Variants in PRH1 observed in about 807,000 individuals in gnomAD.
PRH1 encodes salivary acidic proline-rich phosphoprotein 1/2.
A neutral mutation model predicts 7.9 loss-of-function variants in PRH1; 7 were observed. The observed-to-expected ratio is 0.89, with a 90% CI of 0.50 to 1.67. PRH1 has a LOEUF of 1.67. PRH1 is among the 40% of genes most tolerant of loss of function. The pLI, the probability that PRH1 is intolerant of heterozygous loss-of-function variation, is 0.00. For missense variants in PRH1, 109 were observed against 223.6 expected, an observed-to-expected ratio of 0.49 and a Z score of 3.27; for synonymous variants, 45 against 80.8, an observed-to-expected ratio of 0.56 and a Z score of 2.38.
chr12:11,102,377 C>A (rs536962316), intron 1 of PRH1, among the ~76,000 whole-genome samples: 14 of 152,092 alleles, frequency 9.2e-5, no homozygotes, highest in Non-Finnish European at 1.6e-4. Context: ...AGAGCCCTCA[C>A]AAATAATATG....
chr12:11,022,088 C>T (rs759798918), intron 1 of PRH1: 76 of 1,613,818 alleles, frequency 4.7e-5, no homozygotes, highest in Non-Finnish European at 6.4e-5. Flanking sequence ...TTCCAAGTCA[C>T]ATTTCCTTCA....
chr12:11,031,513 G>GCATTTTTT, intron 1 of PRH1: 1 of 685,764 alleles, frequency 1.5e-6, no homozygotes, highest in Admixed American at 3.4e-5. Flanking sequence ...GGTTTATTGA[G>GCATTTTTT]AAGAGAGAAA....
At chr12:10,949,879 A>ATAATCAC (rs1449630355) in intron 2 of PRH1, among the ~76,000 whole-genome samples, 1 of 152,162 alleles carries the variant, frequency 6.6e-6, no homozygotes, top group Non-Finnish European at 1.5e-5. Context: ...AGTTGTTATG[A>ATAATCAC]TAATCACTTA....
intron 1 of PRH1, among the ~76,000 whole-genome samples, chr12:11,110,213 G>A (rs763508172): frequency 9.2e-5 from 14 of 152,166 alleles, no homozygotes; most frequent in Non-Finnish European, 1.6e-4. Context: ...TGAAAGAGAT[G>A]GGGATAATGG....
At chr12:10,960,732 T>C (rs1316282316) in intron 2 of PRH1, among the ~76,000 whole-genome samples, 2 of 152,174 alleles carry the variant, frequency 1.3e-5, no homozygotes, top group African/African-American at 2.4e-5. Context: ...TATAGTAAAA[T>C]AGTATTACTT....
intron 2 of PRH1, among the ~76,000 whole-genome samples, chr12:10,961,700 A>C (rs182716773): frequency 6.6e-6 from 1 of 152,198 alleles, no homozygotes; most frequent in Non-Finnish European, 1.5e-5. Context: ...AACGGACTGG[A>C]TGATGGAAAG....
chr12:11,147,012 T>A (rs1946881589), intron 1 of PRH1, among the ~76,000 whole-genome samples: 1 of 152,238 alleles, frequency 6.6e-6, no homozygotes, highest in Non-Finnish European at 1.5e-5. Flanking sequence ...ACCTCCTTCT[T>A]TTTCCAAGTT....
chr12:10,980,490 T>C (rs1393925147), intron 1 of PRH1, among the ~76,000 whole-genome samples: 1 of 152,172 alleles, frequency 6.6e-6, no homozygotes, highest in Non-Finnish European at 1.5e-5. Flanking sequence ...TTTTTGGTCA[T>C]GTTACTTTTA....
chr12:11,001,717 C>T (rs1245171330), intron 1 of PRH1, among the ~76,000 whole-genome samples: 7 of 152,000 alleles, frequency 4.6e-5, no homozygotes, highest in Non-Finnish European at 7.4e-5. Context: ...TTCTGAACTG[C>T]GATTAGGCTT....
intron 1 of PRH1, among the ~76,000 whole-genome samples, chr12:11,122,397 T>C (rs1003295361): frequency 3.3e-5 from 5 of 152,250 alleles, no homozygotes; most frequent in African/African-American, 7.2e-5. Context: ...CAAAGACATA[T>C]GAGATACAAA....
chr12:11,153,708 A>G (rs540277096), intron 1 of PRH1, among the ~76,000 whole-genome samples: 33 of 152,300 alleles, frequency 2.2e-4, no homozygotes, highest in African/African-American at 7.9e-4. Flanking sequence ...ATAACACTCA[A>G]TTCCCAGCAG....
At chr12:10,992,281 A>T (rs554099490) in intron 1 of PRH1, among the ~76,000 whole-genome samples, 6 of 152,212 alleles carry the variant, frequency 3.9e-5, no homozygotes, top group Non-Finnish European at 8.8e-5. Context: ...AGAGGAAAGG[A>T]CATATATCCA....
intron 1 of PRH1, among the ~76,000 whole-genome samples, chr12:11,056,012 G>A (rs891837410): frequency 7.3e-6 from 1 of 137,382 alleles, no homozygotes; most frequent in Non-Finnish European, 1.6e-5. Flanking sequence ...ACACAAACAC[G>A]TTCACACACA....
intron 1 of PRH1, among the ~76,000 whole-genome samples, chr12:11,102,706 A>C (rs145566224): frequency 0.29 from 44,074 of 152,160 alleles, 8,275 homozygotes; most frequent in East Asian, 0.74. Flanking sequence ...TCTAATTAAA[A>C]TAAAGAGCTT....
intron 2 of PRH1, chr12:10,908,518 C>T (rs1235011604): frequency 6.2e-7 from 1 of 1,613,898 alleles, no homozygotes; most frequent in South Asian, 1.1e-5. Flanking sequence ...ATGTAGATCA[C>T]TGTGTTCTGA....
intron 1 of PRH1, among the ~76,000 whole-genome samples, chr12:11,103,652 C>T (rs546326794): frequency 6.6e-6 from 1 of 151,942 alleles, no homozygotes; most frequent in East Asian, 1.9e-4. Context: ...CAAACCTGCA[C>T]ATTGTGCACA....
chr12:11,030,455 A>C, intron 1 of PRH1: 2 of 1,614,270 alleles, frequency 1.2e-6, no homozygotes, highest in Middle Eastern at 1.6e-4. Context: ...CACTTGCCGC[A>C]AAACTGAAAG....
At chr12:10,973,639 G>T in intron 2 of PRH1, 1 of 776,466 alleles carries the variant, frequency 1.3e-6, no homozygotes, top group South Asian at 1.4e-5. Context: ...TGTGTTACTT[G>T]ATATGTAGAA....
intron 1 of PRH1, among the ~76,000 whole-genome samples, chr12:11,131,639 C>T (rs1197910169): frequency 3.5e-5 from 5 of 141,824 alleles, no homozygotes; most frequent in Non-Finnish European, 7.9e-5. Flanking sequence ...ATAGTGGCAT[C>T]TAATTTTGAT....
Sources: gnomAD v4.1 joint callset for allele counts (sites outside exome capture counted in the v4.1 genomes callset) on GRCh38, gnomAD v4.1.1 for gene constraint, MANE v1.5 for transcripts, NCBI Gene and HGNC (gene_info 2026-07-23, HGNC 2026-07-21) for gene names.